KEL: variants seen among roughly 807,000 people sequenced by gnomAD.
KEL encodes kell blood group glycoprotein.
A neutral mutation model predicts 99.5 loss-of-function variants in KEL; 96 were observed. That is an observed-to-expected ratio of 0.97 (90% confidence interval 0.82 to 1.14). KEL has a LOEUF of 1.14. Among genes scored for constraint, KEL ranks in the 50% most tolerant of loss-of-function variants. The probability of loss-of-function intolerance (pLI) is 0.00; values close to 1 mark genes in which losing one functional copy is unlikely to be tolerated. For synonymous variants in KEL, 355 were observed against 354.8 expected (o/e 1.00, Z -0.01); for missense variants, 926 against 924.2 (o/e 1.00, Z -0.03).
chr7:142,946,620 A>G, intron 10 of KEL: 1 of 447,482 alleles, frequency 2.2e-6, no homozygotes, highest in Non-Finnish European at 4.1e-6. Flanking sequence ...TGGGAAGAAG[A>G]TGAGAACCCA....
Position 142,943,271 on chromosome 7 carries a change from C to T in KEL, c.1771+5G>A, listed in dbSNP as rs1473231757. 2.5e-6 allele frequency: 4 copies of T among 1,613,598 alleles called. No homozygotes were observed. The highest frequency in any genetic ancestry group is 3.4e-6 in the Non-Finnish European group (4 of 1,179,760). On this transcript the variant is annotated splice_donor_5th_base_variant and intron_variant, in intron 16 of 18. Transcript: ENST00000355265. ...TCCCACCTCCCAGTGGCCCCTGTTA[C>T]CCACAGAGCTGGTAGAAGATGTGCA... is the stretch of plus-strand genomic sequence containing the variant.
At chr7:142,954,084 T>G in intron 8 of KEL, 100 bp downstream of exon 8, 1 of 1,425,902 alleles carries the variant, frequency 7.0e-7, no homozygotes, top group South Asian at 1.2e-5. Flanking sequence ...AGAGACAGAA[T>G]GAAAAGGTAT....
intron 4 of KEL, among the ~76,000 whole-genome samples, chr7:142,960,500 T>C (rs1294133798): frequency 1.3e-5 from 2 of 152,106 alleles, no homozygotes; most frequent in Admixed American, 6.6e-5. Flanking sequence ...ATGCAGGAGA[T>C]GCTGAAGAGA....
chr7:142,958,154 G>C (rs1462040144), intron 5 of KEL, 150 bp downstream of exon 5: 1 of 1,308,546 alleles, frequency 7.6e-7, no homozygotes, highest in African/African-American at 1.5e-5. Flanking sequence ...CTTTCATAGG[G>C]CATAACCATT....
intron 4 of KEL, among the ~76,000 whole-genome samples, chr7:142,958,925 G>C (rs887840491): frequency 6.6e-6 from 1 of 152,074 alleles, no homozygotes; most frequent in African/African-American, 2.4e-5. Flanking sequence ...CTGTCAATCC[G>C]GAAATGTTTA....
chr7:142,953,480 G>A lies in KEL; in HGVS notation c.1073+328C>T, dbSNP rs138007900. 3.4e-5 allele frequency: 27 copies of A among 786,772 alleles called. No individual in the cohort carries two copies. In the African/African-American group the frequency reaches 5.0e-4, roughly 15 times the overall value. The allele number at this position is 786,772 out of a possible 1,614,324, so 48.7% of individuals were successfully genotyped here. ...TACACTTAACTGTCTTCTGTGTCTG[G>A]GTCTTCCAGCATCTTCTACAGCTCA... On this transcript the variant is annotated intron_variant, in intron 9 of 18. Coordinates refer to ENST00000355265, the MANE Select transcript of KEL (RefSeq NM_000420.3).
chr7:142,961,088 A>G lies in KEL; in HGVS notation c.240T>C (p.Ser80=), dbSNP rs2116352553. ...QNCGPRPCET[S]VCLDLRDHYL... Reference sequence around the variant, plus strand: ...AATGATCCCGGAGATCCAAACACACAGATGTCTCACAGGGGCCTGTGGGGA... The same window carrying G: ...AATGATCCCGGAGATCCAAACACACGGATGTCTCACAGGGGCCTGTGGGGA... Residue 80 remains serine (S), a synonymous_variant, in exon 4 of 19, where the codon TCT becomes TCC. Transcript: ENST00000355265. 6.2e-7 allele frequency: 1 copy of G among 1,613,980 alleles called. No homozygotes were observed.
intron 4 of KEL, among the ~76,000 whole-genome samples, chr7:142,959,555 G>A (rs571051714): frequency 6.6e-6 from 1 of 152,302 alleles, no homozygotes; most frequent in South Asian, 2.1e-4. Flanking sequence ...GACAAATTCA[G>A]GGAACTAGAG....
intron 10 of KEL, among the ~76,000 whole-genome samples, chr7:142,952,176 C>T (rs1369107181): frequency 6.6e-6 from 1 of 152,084 alleles, no homozygotes. Flanking sequence ...AGCTCTAAGT[C>T]CAAGTTATCC....
chr7:142,949,690 T>C (rs536079761), intron 10 of KEL, among the ~76,000 whole-genome samples: 29 of 152,326 alleles, frequency 1.9e-4, no homozygotes, highest in Non-Finnish European at 3.4e-4. Flanking sequence ...AGGTCTTCAA[T>C]AACCTGACCC....
chr7:142,956,620 G>C (rs1448237013), intron 6 of KEL, among the ~76,000 whole-genome samples: 1 of 152,018 alleles, frequency 6.6e-6, no homozygotes, highest in Non-Finnish European at 1.5e-5. Flanking sequence ...CACCATTCCA[G>C]GTCCTCCCCC....
At chr7:142,950,389 GAC>G (rs1460237228) in intron 10 of KEL, among the ~76,000 whole-genome samples, 1 of 152,124 alleles carries the variant, frequency 6.6e-6, no homozygotes, top group African/African-American at 2.4e-5. Context: ...GGCATCAGTG[GAC>G]ACAGCAAGCC....
chr7:142,962,038 T>C (rs561869227), intron 1 of KEL, 166 bp from the exon 2 acceptor site: 1 of 1,609,918 alleles, frequency 6.2e-7, no homozygotes, highest in African/African-American at 1.3e-5. Context: ...AACGAACCTG[T>C]CCCCTGAATG....
chr7:142,958,084 C>G, intron 5 of KEL, 111 bp from the exon 6 acceptor site: 3 of 1,412,412 alleles, frequency 2.1e-6, no homozygotes, highest in Non-Finnish European at 2.0e-6. Context: ...CTGCGCCCTT[C>G]GATTCCTCTA....
intron 4 of KEL, among the ~76,000 whole-genome samples, chr7:142,958,911 G>C (rs1796893491): frequency 6.6e-6 from 1 of 152,170 alleles, no homozygotes. Context: ...ACAAACTCAA[G>C]CAACTGTCAA....
At chr7:142,944,769 G>T (rs774921519) in intron 11 of KEL, 28 bp from the exon 12 acceptor site, 1 of 1,566,076 alleles carries the variant, frequency 6.4e-7, no homozygotes, top group Non-Finnish European at 8.8e-7. Context: ...AGGGACAGGG[G>T]GACAGGATCA....
At chr7:142,942,628 T>C in intron 17 of KEL, 99 bp from the exon 18 acceptor site, 4 of 961,276 alleles carry the variant, frequency 4.2e-6, no homozygotes, top group Non-Finnish European at 6.5e-6. Context: ...CCTTGCTCAC[T>C]GGTTCTGCAC....
chr7:142,962,232 T>A lies in KEL; in HGVS notation c.-26A>T, dbSNP rs1796978380. On this transcript the variant is annotated 5_prime_UTR_variant, in exon 1 of 19. Coordinates refer to ENST00000355265, the MANE Select transcript of KEL (RefSeq NM_000420.3). ...CTGTCTATCTTCTGTGGCTCCAGAATCCTTCCTGGTTCCACTCTAGGAGCT... is the reference window on the plus strand; with the variant it reads ...CTGTCTATCTTCTGTGGCTCCAGAAACCTTCCTGGTTCCACTCTAGGAGCT... The A allele has an allele frequency of 6.2e-7, 1 of 1,614,100 alleles. No individual in the cohort carries two copies. The highest frequency in any genetic ancestry group is 1.1e-5 in the South Asian group (1 of 91,078).
At chr7:142,944,618 C>T (rs755550276) in intron 12 of KEL, 25 bp downstream of exon 12, 3 of 1,575,124 alleles carry the variant, frequency 1.9e-6, no homozygotes, top group Admixed American at 3.3e-5. Context: ...CAGGCTCCCA[C>T]ACCAGCCAGG....
Sources: gnomAD v4.1 joint callset for allele counts (sites outside exome capture counted in the v4.1 genomes callset) on GRCh38, gnomAD v4.1.1 for gene constraint, MANE v1.5 for transcripts, NCBI Gene and HGNC (gene_info 2026-07-23, HGNC 2026-07-21) for gene names.